Variants in ETV6 observed in about 807,000 individuals in gnomAD.
ETV6 encodes ETS variant transcription factor 6.
Under a neutral mutation model 51.1 loss-of-function variants are expected in ETV6, and 16 were observed. The observed-to-expected ratio is 0.31, with a 90% CI of 0.21 to 0.48. ETV6 has a LOEUF of 0.48. Among genes scored for constraint, ETV6 ranks in the 20% least tolerant of loss-of-function variants. The pLI, the probability that ETV6 is intolerant of heterozygous loss-of-function variation, is 0.99. For missense variants in ETV6, 458 were observed against 594.8 expected (o/e 0.77, Z 2.39); for synonymous variants, 240 against 224.1 (o/e 1.07, Z -0.64).
intron 2 of ETV6, among the ~76,000 whole-genome samples, chr12:11,760,453 C>T (rs1002021347): frequency 1.3e-5 from 2 of 152,176 alleles, no homozygotes; most frequent in African/African-American, 2.4e-5. Context: ...TTTACCAGGT[C>T]AGCTGAGGCT....
chr12:11,735,710 C>T (rs111451298), intron 1 of ETV6, among the ~76,000 whole-genome samples: 1 of 152,102 alleles, frequency 6.6e-6, no homozygotes, highest in East Asian at 1.9e-4. Flanking sequence ...AAGCGATTCT[C>T]GTCTCAGCCT....
rs2710275 is a variant in ETV6, at chr12:11,893,879, A to G, written c.*2833A>G. 0.23 allele frequency: 35,704 copies of G among 154,586 alleles called. 6,458 individuals are homozygous for G. The highest frequency in any genetic ancestry group is 0.33 in the East Asian group (3,021 of 9,266). The allele number at this position is 154,586 out of a possible 1,614,324, so 9.6% of individuals were successfully genotyped here. On this transcript the variant is annotated 3_prime_UTR_variant, in exon 8 of 8. Transcript: ENST00000396373. ...ACATACACAAATATTCCAGGATACA[A>G]AAAAAAACATTTAAAAATCCGAGAC...
At position 11,838,758 on chromosome 12, in the gene ETV6, G is replaced by A. The variant is rs113664368; in HGVS notation, c.164-382G>A. 6.8e-3 allele frequency among the ~76,000 whole-genome samples: 1,039 copies of A among 152,324 alleles called. 9 individuals carry two copies. The highest frequency in any genetic ancestry group is 0.023 in the African/African-American group (970 of 41,566). Reference sequence around the variant, plus strand: ...GTGTCATAGTTCTGAGCCCCTGTGGGTGCTGTGGGCACCCTGGAACAGCCC... The same window carrying A: ...GTGTCATAGTTCTGAGCCCCTGTGGATGCTGTGGGCACCCTGGAACAGCCC... On this transcript the variant is annotated intron_variant, in intron 2 of 7. Transcript: ENST00000396373.
At chr12:11,671,785 A>G (rs1347352839) in intron 1 of ETV6, among the ~76,000 whole-genome samples, 4 of 152,122 alleles carry the variant, frequency 2.6e-5, no homozygotes, top group Non-Finnish European at 5.9e-5. Flanking sequence ...ACCAGTGTAT[A>G]TTGACTTTTG....
At chr12:11,848,928 G>T (rs2136481866) in intron 3 of ETV6, among the ~76,000 whole-genome samples, 1 of 152,236 alleles carries the variant, frequency 6.6e-6, no homozygotes, top group Middle Eastern at 3.4e-3. Context: ...TTCTTTTCTG[G>T]GAAGAGAGAG....
rs1285235646 is a variant in ETV6 at position 11,712,413 on chromosome 12, T to G, written c.34-40037T>G. 9.8e-5 allele frequency among the ~76,000 whole-genome samples: 15 copies of G among 152,330 alleles called. No homozygotes were observed. The East Asian group carries it at 1.7e-3, about 18-fold the overall frequency. ...GTGCCAGTCTCAGTCCAGTCCCTTC[T>G]TAGACGTGTGACTTTGGAAAACCTC... On this transcript the variant is annotated intron_variant, in intron 1 of 7. Transcript: ENST00000396373.
At chr12:11,738,230 CTCCCTCCT>C (rs146216907) in intron 1 of ETV6, among the ~76,000 whole-genome samples, 46,697 of 146,396 alleles carry the variant, frequency 0.32, 8,249 homozygotes, top group East Asian at 0.44. Flanking sequence ...CCTTCCCTCC[CTCCCTCCT>C]TCCCTCCTTC....
At chr12:11,832,549 TA>T (rs1946260272) in intron 2 of ETV6, among the ~76,000 whole-genome samples, 1 of 152,170 alleles carries the variant, frequency 6.6e-6, no homozygotes, top group African/African-American at 2.4e-5. Context: ...GGGTACGAAA[TA>T]AAACAGCTAA....
chr12:11,798,319 A>AT (rs1945705402), intron 2 of ETV6, among the ~76,000 whole-genome samples: 1 of 152,186 alleles, frequency 6.6e-6, no homozygotes, highest in African/African-American at 2.4e-5. Flanking sequence ...CCATTGAAGG[A>AT]TTTTAGGAAA....
At chr12:11,749,343 AC>A in intron 1 of ETV6, among the ~76,000 whole-genome samples, 3 of 128,928 alleles carry the variant, frequency 2.3e-5, no homozygotes, top group Non-Finnish European at 3.3e-5. Context: ...ACACACACAC[AC>A]ACACACCCCT....
At chr12:11,795,308 C>T (rs915689187) in intron 2 of ETV6, among the ~76,000 whole-genome samples, 6 of 152,238 alleles carry the variant, frequency 3.9e-5, no homozygotes, top group Non-Finnish European at 8.8e-5. Context: ...TCTGTCAGTC[C>T]GCTGGTGGCC....
intron 1 of ETV6, chr12:11,751,731 T>C: frequency 2.5e-6 from 1 of 393,328 alleles, no homozygotes; most frequent in South Asian, 1.9e-5. Flanking sequence ...ATTCAGATAA[T>C]TCTTTGAATG....
At chr12:11,820,830 C>T (rs903321933) in intron 2 of ETV6, among the ~76,000 whole-genome samples, 17 of 152,128 alleles carry the variant, frequency 1.1e-4, no homozygotes, top group African/African-American at 3.6e-4. Context: ...ATGAAACTTA[C>T]AAACAGAGGA....
chr12:11,888,507 T>C (rs1451987169), intron 7 of ETV6, among the ~76,000 whole-genome samples: 1 of 151,146 alleles, frequency 6.6e-6, no homozygotes, highest in Non-Finnish European at 1.5e-5. Context: ...GCAATTCTCA[T>C]AATTATCATG....
At position 11,752,556 on chromosome 12, in the gene ETV6, C is replaced by T. The variant is rs745855585; in HGVS notation, c.140C>T (p.Ser47Leu). The T allele has an allele frequency of 5.6e-6, 9 of 1,613,208 alleles. No individual in the cohort carries two copies. Among genetic ancestry groups the T allele is most frequent in the Admixed American group, 3.3e-5 (2 of 60,018 alleles). Residue 47 changes from serine (S) to leucine (L), a missense_variant, in exon 2 of 8, where the codon TCG becomes TTG. Physicochemically the swap from Ser to Leu is moderately radical, Grantham distance 145 (BLOSUM62 -2). Coordinates refer to ENST00000396373, the MANE Select transcript of ETV6 (RefSeq NM_001987.5). ...CGAGCGCTCAGGATGGAGGAAGACT[C>T]GATCCGCCTGCCTGCGCACCTGCGT... Reference protein sequence around the residue: ...VPRALRMEEDSIRLPAHLRLQ... With the variant: ...VPRALRMEEDLIRLPAHLRLQ...
chr12:11,851,501 G>A (rs1478075543), intron 3 of ETV6, among the ~76,000 whole-genome samples: 1 of 152,122 alleles, frequency 6.6e-6, no homozygotes, highest in Non-Finnish European at 1.5e-5. Flanking sequence ...ACATCACCAT[G>A]ACTACTAGGT....
Position 11,859,118 on chromosome 12 carries a change from G to GCTTTTTTTTTTTTTTTTTTTTTTTTT in ETV6, c.463+5557_463+5558insCTTTTTTTTTTTTTTTTTTTTTTTTT, listed in dbSNP as rs1565555150. 4.1e-4 allele frequency among the ~76,000 whole-genome samples: 17 copies of GCTTTTTTTTTTTTTTTTTTTTTTTTT among 41,794 alleles called. 8 individuals are homozygous for GCTTTTTTTTTTTTTTTTTTTTTTTTT. The highest frequency in any genetic ancestry group is 6.3e-4 in the African/African-American group (9 of 14,384). The allele number at this position is 41,794 out of a possible 152,430, so 27.4% of individuals were successfully genotyped here. A position where few individuals can be genotyped will look rare whatever the true frequency, so the allele number is the denominator to read the frequency against. On this transcript the variant is annotated intron_variant, in intron 4 of 7. Transcript: ENST00000396373. ...TAAAGAAGATGAGGTATATGAATCT[G>GCTTTTTTTTTTTTTTTTTTTTTTTTT]GTTTTTTTTTTTTTTTTTTTTTTTT...
chr12:11,675,718 G>A (rs141812392), intron 1 of ETV6, among the ~76,000 whole-genome samples: 2 of 152,104 alleles, frequency 1.3e-5, no homozygotes, highest in East Asian at 1.9e-4. Context: ...GGAGGCTGGG[G>A]CAGTAGGATC....
intron 1 of ETV6, among the ~76,000 whole-genome samples, chr12:11,724,945 A>G (rs1188589448): frequency 6.6e-6 from 1 of 152,176 alleles, no homozygotes; most frequent in African/African-American, 2.4e-5. Context: ...CTCCAGACAC[A>G]TAGGTCTTAT....
Sources: gnomAD v4.1 joint callset for allele counts (sites outside exome capture counted in the v4.1 genomes callset) on GRCh38, gnomAD v4.1.1 for gene constraint, MANE v1.5 for transcripts, NCBI Gene and HGNC (gene_info 2026-07-23, HGNC 2026-07-21) for gene names.